Variants in GALNTL6 observed in about 807,000 individuals in gnomAD.
GALNTL6 encodes the protein polypeptide N-acetylgalactosaminyltransferase like 6, also known as polypeptide N-acetylgalactosaminyltransferase-like 6.
In GALNTL6, 46 loss-of-function variants were observed where a neutral mutation model predicts 73.7. The ratio of observed to expected loss-of-function variants is 0.62; its 90% CI spans 0.49 to 0.80. GALNTL6 has a LOEUF of 0.80. Ranked by LOEUF, GALNTL6 falls within the 30% of genes least tolerant of loss-of-function variation. The pLI is 0.00. For missense variants in GALNTL6, 604 were observed against 755.0 expected (o/e 0.80, Z 2.34); for synonymous variants, 259 against 263.7 (o/e 0.98, Z 0.17).
intron 2 of GALNTL6, among the ~76,000 whole-genome samples, chr4:172,107,009 G>A (rs1195411652): frequency 6.6e-6 from 1 of 152,198 alleles, no homozygotes; most frequent in Non-Finnish European, 1.5e-5. Context: ...TAGTAGCTGG[G>A]ATTACAGGCA....
At chr4:172,038,054 G>T (rs984642973) in intron 2 of GALNTL6, among the ~76,000 whole-genome samples, 13 of 151,678 alleles carry the variant, frequency 8.6e-5, no homozygotes, top group Non-Finnish European at 1.3e-4. Context: ...GGGCGATAAG[G>T]TTGCAGTGAG....
At chr4:172,811,755 A>G (rs1377666052) in intron 6 of GALNTL6, among the ~76,000 whole-genome samples, 3 of 151,980 alleles carry the variant, frequency 2.0e-5, no homozygotes, top group Non-Finnish European at 4.4e-5. Flanking sequence ...TAAAATCGCA[A>G]CCCTTTCCAC....
chr4:172,385,264 T>G (rs1331700691), intron 5 of GALNTL6, among the ~76,000 whole-genome samples: 1 of 152,032 alleles, frequency 6.6e-6, no homozygotes, highest in Non-Finnish European at 1.5e-5. Context: ...CTGCTATGAT[T>G]GCGTATTCTA....
At chr4:172,332,560 G>A (rs1351049788) in intron 4 of GALNTL6, among the ~76,000 whole-genome samples, 1 of 151,420 alleles carries the variant, frequency 6.6e-6, no homozygotes, top group African/African-American at 2.4e-5. Context: ...GCGAGAACAT[G>A]TGAAATTTGT....
At chr4:173,032,900 G>A (rs1753530277) in intron 12 of GALNTL6, among the ~76,000 whole-genome samples, 1 of 152,148 alleles carries the variant, frequency 6.6e-6, no homozygotes, top group Non-Finnish European at 1.5e-5. Context: ...GCCCAAAAAT[G>A]CTGGTGAGAA....
chr4:172,632,430 G>A (rs1739438285), intron 5 of GALNTL6, among the ~76,000 whole-genome samples: 1 of 152,114 alleles, frequency 6.6e-6, no homozygotes, highest in South Asian at 2.1e-4. Flanking sequence ...GGAACTTGCT[G>A]GGTACTGGAG....
chr4:172,154,386 C>A (rs1027147903), intron 2 of GALNTL6, among the ~76,000 whole-genome samples: 1 of 152,068 alleles, frequency 6.6e-6, no homozygotes, highest in Non-Finnish European at 1.5e-5. Context: ...GCATGCTCCA[C>A]CACGCCCGGC....
chr4:172,502,509 G>C (rs1734296463), intron 5 of GALNTL6, among the ~76,000 whole-genome samples: 1 of 152,126 alleles, frequency 6.6e-6, no homozygotes, highest in Non-Finnish European at 1.5e-5. Flanking sequence ...CTTCATTCAA[G>C]GGATGATGAA....
At chr4:172,303,802 C>A (rs376686760) in intron 3 of GALNTL6, among the ~76,000 whole-genome samples, 2 of 152,202 alleles carry the variant, frequency 1.3e-5, no homozygotes, top group East Asian at 3.9e-4. Context: ...TGTTTTATAT[C>A]TTTTGACTTA....
intron 5 of GALNTL6, among the ~76,000 whole-genome samples, chr4:172,482,826 CT>C (rs1420822236): frequency 1.3e-5 from 2 of 152,154 alleles, no homozygotes; most frequent in Admixed American, 6.5e-5. Flanking sequence ...TCTTAAGTGT[CT>C]GCAAAGTACC....
At chr4:172,941,154 T>G (rs975878696) in intron 9 of GALNTL6, among the ~76,000 whole-genome samples, 2 of 152,204 alleles carry the variant, frequency 1.3e-5, no homozygotes, top group African/African-American at 4.8e-5. Flanking sequence ...TGTGATTCAA[T>G]TATCTGATGC....
intron 5 of GALNTL6, among the ~76,000 whole-genome samples, chr4:172,535,327 T>C (rs527484729): frequency 6.6e-6 from 1 of 152,344 alleles, no homozygotes; most frequent in East Asian, 1.9e-4. Flanking sequence ...TTCCAGTGAT[T>C]CTGCCAGTCA....
intron 5 of GALNTL6, among the ~76,000 whole-genome samples, chr4:172,542,363 G>C (rs1735589083): frequency 6.6e-6 from 1 of 152,026 alleles, no homozygotes. Context: ...GCATTCACCC[G>C]TGCAAGCTCC....
intron 5 of GALNTL6, among the ~76,000 whole-genome samples, chr4:172,767,449 C>T (rs1459672029): frequency 3.9e-5 from 6 of 152,038 alleles, no homozygotes; most frequent in Admixed American, 1.3e-4. Context: ...CCAAGCTGTG[C>T]GACTCCCCAC....
intron 2 of GALNTL6, among the ~76,000 whole-genome samples, chr4:172,157,886 TCTC>T (rs1332767506): frequency 6.6e-6 from 1 of 152,180 alleles, no homozygotes; most frequent in Non-Finnish European, 1.5e-5. Context: ...TGCTAGTTCT[TCTC>T]CTCAGGTACA....
At chr4:172,581,701 ATTACCTCTCTG>A (rs908982192) in intron 5 of GALNTL6, among the ~76,000 whole-genome samples, 3 of 152,152 alleles carry the variant, frequency 2.0e-5, no homozygotes, top group African/African-American at 4.8e-5. Flanking sequence ...TTCTCCACGC[ATTACCTCTCTG>A]TCCTCTGAGC....
intron 5 of GALNTL6, among the ~76,000 whole-genome samples, chr4:172,795,614 C>T (rs1740219735): frequency 6.6e-6 from 1 of 152,088 alleles, no homozygotes; most frequent in African/African-American, 2.4e-5. Context: ...TTGATACAGG[C>T]ATGCAATGTG....
intron 2 of GALNTL6, among the ~76,000 whole-genome samples, chr4:171,903,547 G>A (rs1028441409): frequency 6.7e-6 from 1 of 149,972 alleles, no homozygotes; most frequent in African/African-American, 2.5e-5. Flanking sequence ...CAAACTGCAA[G>A]GCGGCAGCGA....
intron 5 of GALNTL6, among the ~76,000 whole-genome samples, chr4:172,376,007 G>A (rs754025033): frequency 2.0e-5 from 3 of 152,112 alleles, no homozygotes; most frequent in Non-Finnish European, 4.4e-5. Flanking sequence ...CAATTTCTGA[G>A]GCTACCCATA....
Sources: gnomAD v4.1 joint callset for allele counts (sites outside exome capture counted in the v4.1 genomes callset) on GRCh38, gnomAD v4.1.1 for gene constraint, MANE v1.5 for transcripts, NCBI Gene and HGNC (gene_info 2026-07-23, HGNC 2026-07-21) for gene names.